PIAS2: variants seen among roughly 807,000 people sequenced by gnomAD.
PIAS2 encodes the protein E3 SUMO-protein ligase PIAS2.
A neutral mutation model predicts 69.7 loss-of-function variants in PIAS2; 19 were observed. The ratio of observed to expected loss-of-function variants is 0.27; its 90% CI spans 0.19 to 0.40. PIAS2 has a LOEUF of 0.40. PIAS2 is among the 10% of genes least tolerant of loss of function. PIAS2 has a pLI of 1.00. For missense variants in PIAS2, 624 were observed against 757.0 expected, an observed-to-expected ratio of 0.82 and a Z score of 2.06; for synonymous variants, 261 against 263.2, an observed-to-expected ratio of 0.99 and a Z score of 0.08.
At chr18:46,888,749 A>C (rs2053603484) in intron 2 of PIAS2, among the ~76,000 whole-genome samples, 1 of 152,136 alleles carries the variant, frequency 6.6e-6, no homozygotes, top group Non-Finnish European at 1.5e-5. Flanking sequence ...ACCTATGAGA[A>C]TCTAATGCCA....
chr18:46,830,011 C>A (rs1599461205), intron 9 of PIAS2, 144 bp from the exon 10 acceptor site: 2 of 647,202 alleles, frequency 3.1e-6, no homozygotes, highest in East Asian at 5.5e-5. Flanking sequence ...TTATACTTTA[C>A]AACAATTATT....
chr18:46,824,265 C>A (rs2042542325), intron 11 of PIAS2, among the ~76,000 whole-genome samples: 1 of 152,128 alleles, frequency 6.6e-6, no homozygotes, highest in Non-Finnish European at 1.5e-5. Context: ...CTATTTATAA[C>A]CCTGAAGTTC....
chr18:46,842,704 A>C (rs186460558), intron 8 of PIAS2, among the ~76,000 whole-genome samples: 2 of 152,182 alleles, frequency 1.3e-5, no homozygotes, highest in African/African-American at 4.8e-5. Flanking sequence ...AAGATACTGA[A>C]AAGAACTCAT....
chr18:46,916,102 T>C (rs1055110988), intron 1 of PIAS2, among the ~76,000 whole-genome samples: 2 of 152,196 alleles, frequency 1.3e-5, no homozygotes, highest in Admixed American at 6.5e-5. Context: ...ATGTGTTTAC[T>C]GGGAACTTAA....
At chr18:46,858,319 A>G (rs2048144995) in intron 3 of PIAS2, among the ~76,000 whole-genome samples, 1 of 152,218 alleles carries the variant, frequency 6.6e-6, no homozygotes. Flanking sequence ...TAAAGCATCA[A>G]AGAGAAAAAA....
chr18:46,915,485 T>C (rs1259308044), intron 1 of PIAS2: 2 of 152,086 alleles, frequency 1.3e-5, no homozygotes, highest in Non-Finnish European at 2.9e-5. Flanking sequence ...TTAGTCTCTG[T>C]TGGGCACGTC....
upstream of PIAS2, among the ~76,000 whole-genome samples, chr18:46,918,206 C>T (rs1368596147): frequency 6.6e-6 from 1 of 152,082 alleles, no homozygotes; most frequent in Non-Finnish European, 1.5e-5. Flanking sequence ...TGATGGCCCC[C>T]CCGTAATGTG....
At chr18:46,877,897 A>G (rs1270800230) in intron 2 of PIAS2, among the ~76,000 whole-genome samples, 3 of 152,196 alleles carry the variant, frequency 2.0e-5, no homozygotes, top group African/African-American at 7.2e-5. Flanking sequence ...CCTGCTTTAC[A>G]CCACTATGTT....
intron 2 of PIAS2, among the ~76,000 whole-genome samples, chr18:46,884,155 G>A (rs2052743631): frequency 6.6e-6 from 1 of 152,088 alleles, no homozygotes; most frequent in South Asian, 2.1e-4. Flanking sequence ...TAAAGATATG[G>A]TAATGTTCCT....
intron 12 of PIAS2, chr18:46,817,989 T>C: frequency 1.0e-6 from 1 of 986,352 alleles, no homozygotes; most frequent in Non-Finnish European, 1.2e-6. Flanking sequence ...GTCATACTGA[T>C]ATATTTTTAT....
chr18:46,843,346 T>A (rs1032062416), intron 8 of PIAS2, among the ~76,000 whole-genome samples: 5 of 152,210 alleles, frequency 3.3e-5, no homozygotes, highest in African/African-American at 1.2e-4. Flanking sequence ...CCTGATTCCA[T>A]GACTTTTTCT....
At chr18:46,882,150 T>C (rs1234167168) in intron 2 of PIAS2, among the ~76,000 whole-genome samples, 1 of 152,004 alleles carries the variant, frequency 6.6e-6, no homozygotes, top group African/African-American at 2.4e-5. Context: ...CCTTATTATA[T>C]ACTTATTAAC....
rs766082973 is a variant in PIAS2 at position 46,808,957 on chromosome 18, T to C, written c.*3476A>G. ...AAACGTCAACTAATGAATACTTTATTGGCAGAAAAAAAAGACAACTTGGCT... is the reference window on the plus strand; with the variant it reads ...AAACGTCAACTAATGAATACTTTATCGGCAGAAAAAAAAGACAACTTGGCT... On this transcript the variant is annotated 3_prime_UTR_variant, in exon 14 of 14. Coordinates refer to ENST00000585916, the MANE Select transcript of PIAS2 (RefSeq NM_004671.5). The C allele has an allele frequency of 1.8e-4, 27 of 151,882 alleles. No homozygotes were observed. Among genetic ancestry groups the C allele is most frequent in the Non-Finnish European group, 3.7e-4 (25 of 67,952 alleles). 9.4% of individuals were successfully genotyped at this position (151,882 alleles called of 1,614,324 possible). A position where few individuals can be genotyped will look rare whatever the true frequency, so the allele number is the denominator to read the frequency against.
At chr18:46,849,141 G>GA (rs1201198508) in intron 5 of PIAS2, among the ~76,000 whole-genome samples, 1 of 152,200 alleles carries the variant, frequency 6.6e-6, no homozygotes, top group African/African-American at 2.4e-5. Flanking sequence ...AACACTGTCT[G>GA]ACACAGTAGA....
In PIAS2 at chr18:46,804,016, T is replaced by C. The variant is rs976347107; in HGVS notation, c.*8417A>G. 1 of 152,180 alleles carries C rather than the reference T, an allele frequency of 6.6e-6. No homozygotes were observed. The highest frequency in any genetic ancestry group is 1.5e-5 in the Non-Finnish European group (1 of 68,052). 9.4% of individuals were successfully genotyped at this position (152,180 alleles called of 1,614,324 possible). On this transcript the variant is annotated 3_prime_UTR_variant, in exon 14 of 14. Coordinates refer to ENST00000585916, the MANE Select transcript of PIAS2 (RefSeq NM_004671.5). ...CCTAAACATGCACCTCCTTCTGTTT[T>C]CCTCTCTTGGTGAATGCTTACTGCT...
rs529231692 is a variant in PIAS2, at chr18:46,904,891, GTAA to G, written c.24+12428_24+12430del. Among the ~76,000 whole-genome samples, 312 of 152,136 alleles carry G rather than the reference GTAA, an allele frequency of 2.1e-3. 1 individual carries two copies. The highest frequency in any genetic ancestry group is 7.1e-3 in the African/African-American group (294 of 41,512). On this transcript the variant is annotated intron_variant, in intron 1 of 13. Coordinates refer to ENST00000585916, the MANE Select transcript of PIAS2 (RefSeq NM_004671.5). ...AGGATTACAGTTCTTTCATGTGCTA[GTAA>G]TAATGTTAAAATATGGTTTAAAAAT... is the stretch of plus-strand genomic sequence containing the variant.
Position 46,812,417 on chromosome 18 carries a change from T to A in PIAS2, c.*16A>T. 6.5e-7 allele frequency: 1 copy of A among 1,545,636 alleles called. No homozygotes were observed. Among genetic ancestry groups the A allele is most frequent in the Non-Finnish European group, 8.9e-7 (1 of 1,124,850 alleles). On this transcript the variant is annotated 3_prime_UTR_variant, in exon 14 of 14. Transcript: ENST00000585916. ...CAGTTCTGATGAATGATTCCCAGAA[T>A]CAAGTGAGTCCTCCTTTAGTCCAAT...
At chr18:46,858,250 T>C (rs753247166) in intron 3 of PIAS2, among the ~76,000 whole-genome samples, 2 of 148,990 alleles carry the variant, frequency 1.3e-5, no homozygotes, top group Non-Finnish European at 3.0e-5. Context: ...GAGCAAGATG[T>C]TGAAAACAAC....
intron 2 of PIAS2, among the ~76,000 whole-genome samples, chr18:46,878,441 G>A (rs2051613624): frequency 1.3e-5 from 2 of 152,056 alleles, no homozygotes; most frequent in Non-Finnish European, 2.9e-5. Flanking sequence ...AAGACATTTA[G>A]GTCAAAAATT....
Sources: gnomAD v4.1 joint callset for allele counts (sites outside exome capture counted in the v4.1 genomes callset) on GRCh38, gnomAD v4.1.1 for gene constraint, MANE v1.5 for transcripts, NCBI Gene and HGNC (gene_info 2026-07-23, HGNC 2026-07-21) for gene names.